Variants in STXBP5L observed in about 807,000 individuals in gnomAD.
STXBP5L encodes syntaxin binding protein 5L.
In STXBP5L, 65 loss-of-function variants were observed where a neutral mutation model predicts 144.5. The observed-to-expected ratio is 0.45, with a 90% confidence interval of 0.37 to 0.55. The LOEUF is 0.55. STXBP5L is among the 20% of genes least tolerant of loss of function. The pLI is 0.00. For missense variants in STXBP5L, 1,298 were observed against 1,405.5 expected, an observed-to-expected ratio of 0.92 and a Z score of 1.22; for synonymous variants, 505 against 469.6, an observed-to-expected ratio of 1.08 and a Z score of -0.97.
At chr3:121,311,557 CAGAG>C (rs972325312) in intron 19 of STXBP5L, among the ~76,000 whole-genome samples, 2 of 152,046 alleles carry the variant, frequency 1.3e-5, no homozygotes, top group African/African-American at 4.8e-5. Context: ...AACAGACAAA[CAGAG>C]AGCCAAATCA....
chr3:121,172,283 T>G (rs1376440274), intron 9 of STXBP5L, among the ~76,000 whole-genome samples: 1 of 152,100 alleles, frequency 6.6e-6, no homozygotes, highest in Non-Finnish European at 1.5e-5. Flanking sequence ...TGGGCAAAAC[T>G]TCACGACTAA....
At chr3:121,051,378 C>T (rs2107591356) in intron 5 of STXBP5L, among the ~76,000 whole-genome samples, 1 of 152,224 alleles carries the variant, frequency 6.6e-6, no homozygotes, top group Non-Finnish European at 1.5e-5. Flanking sequence ...GAAATTATAA[C>T]AAACTGTCTC....
At chr3:121,290,884 T>C (rs542956784) in intron 19 of STXBP5L, among the ~76,000 whole-genome samples, 2 of 152,246 alleles carry the variant, frequency 1.3e-5, no homozygotes, top group South Asian at 4.1e-4. Flanking sequence ...AAAATCAGCA[T>C]AGAAGGAAAA....
chr3:121,147,518 G>C (rs1300212109), intron 7 of STXBP5L, among the ~76,000 whole-genome samples: 4 of 152,106 alleles, frequency 2.6e-5, no homozygotes, highest in Non-Finnish European at 4.4e-5. Context: ...GTGAAGAAAA[G>C]CTGAAAATCA....
At chr3:121,381,678 T>C in intron 22 of STXBP5L, 146 bp downstream of exon 22, 1 of 1,023,040 alleles carries the variant, frequency 9.8e-7, no homozygotes, top group Middle Eastern at 3.1e-4. Context: ...ATACATCATA[T>C]ACCATCCCAA....
intron 5 of STXBP5L, among the ~76,000 whole-genome samples, chr3:121,057,080 A>G: frequency 6.6e-6 from 1 of 151,844 alleles, no homozygotes. Context: ...AGCAAGACAG[A>G]AAACTGCATA....
rs571633467 is a variant in STXBP5L at position 121,363,283 on chromosome 3, C to G, written c.2177-15433C>G. 5.3e-5 allele frequency among the ~76,000 whole-genome samples: 8 copies of G among 152,282 alleles called. No individual in the cohort carries two copies. The South Asian group carries it at 8.3e-4, about 16-fold the overall frequency. ...TTGTTTGCCCCCGACTCTGCCCCAC[C>G]CAGTCCACTATCTCTGGGCCTAGTT... On this transcript the variant is annotated intron_variant, in intron 20 of 26. Coordinates refer to ENST00000471454, the MANE Select transcript of STXBP5L (RefSeq NM_001308330.2).
At chr3:121,011,842 A>G (rs28751972) in intron 3 of STXBP5L, among the ~76,000 whole-genome samples, 15,044 of 151,788 alleles carry the variant, frequency 0.099, 1,173 homozygotes, top group Admixed American at 0.2. Flanking sequence ...TTAATCATTT[A>G]AAGTAAACAA....
At chr3:121,011,019 T>G (rs1386655895) in intron 3 of STXBP5L, among the ~76,000 whole-genome samples, 1 of 150,766 alleles carries the variant, frequency 6.6e-6, no homozygotes, top group Non-Finnish European at 1.5e-5. Context: ...TTGGGTTCAG[T>G]AGGGGAATAT....
At chr3:121,315,250 G>A (rs1262118016) in intron 19 of STXBP5L, among the ~76,000 whole-genome samples, 13 of 152,144 alleles carry the variant, frequency 8.5e-5, no homozygotes, top group South Asian at 4.1e-4. Flanking sequence ...GTCCATCAAT[G>A]ATAGACTGGA....
At chr3:120,938,802 A>G (rs1357486445) in intron 2 of STXBP5L, among the ~76,000 whole-genome samples, 1 of 151,974 alleles carries the variant, frequency 6.6e-6, no homozygotes, top group Non-Finnish European at 1.5e-5. Context: ...CTTCTTAGAG[A>G]CAGAGGCTTG....
chr3:121,209,182 T>A (rs370035883), intron 10 of STXBP5L, among the ~76,000 whole-genome samples: 1 of 152,176 alleles, frequency 6.6e-6, no homozygotes. Context: ...TGATGGGCAT[T>A]TGGGTTGGTT....
intron 9 of STXBP5L, among the ~76,000 whole-genome samples, chr3:121,186,827 T>G (rs2047402842): frequency 6.6e-6 from 1 of 152,200 alleles, no homozygotes; most frequent in Non-Finnish European, 1.5e-5. Context: ...TCATCATCAC[T>G]GGCCATCAGG....
chr3:121,356,982 G>C (rs751079952), intron 20 of STXBP5L: 4 of 170,686 alleles, frequency 2.3e-5, no homozygotes, highest in Non-Finnish European at 5.1e-5. Context: ...TTTGAAAACA[G>C]CAAGAATTTT....
intron 22 of STXBP5L, among the ~76,000 whole-genome samples, chr3:121,386,797 T>C (rs1351839438): frequency 6.6e-6 from 1 of 152,210 alleles, no homozygotes; most frequent in African/African-American, 2.4e-5. Context: ...CTTAATCCAG[T>C]CTGTCACCGA....
Position 121,190,362 on chromosome 3 carries a change from G to A in STXBP5L, c.878-15561G>A, listed in dbSNP as rs537427373. Among the ~76,000 whole-genome samples, 13 of 152,270 alleles carry A rather than the reference G, an allele frequency of 8.5e-5. No individual in the cohort carries two copies. In the South Asian group the frequency reaches 1.0e-3, roughly 12 times the overall value. On this transcript the variant is annotated intron_variant, in intron 9 of 26. Transcript: ENST00000471454. ...GGACACAGCACGTTTCAGAGAGCAC[G>A]GGGTTGGGGATAAGGTTATAGATTA...
chr3:121,019,553 G>T (rs1576678452), intron 3 of STXBP5L, among the ~76,000 whole-genome samples: 1 of 152,130 alleles, frequency 6.6e-6, no homozygotes, highest in South Asian at 2.1e-4. Context: ...GCAGGTCCTG[G>T]TATCCATGGC....
chr3:121,204,714 T>A (rs1008361971), intron 9 of STXBP5L, among the ~76,000 whole-genome samples: 1 of 147,228 alleles, frequency 6.8e-6, no homozygotes, highest in Non-Finnish European at 1.5e-5. Context: ...CAAGAATAAA[T>A]AAGGGTACTT....
chr3:121,199,274 T>C (rs1382111897), intron 9 of STXBP5L, among the ~76,000 whole-genome samples: 1 of 152,192 alleles, frequency 6.6e-6, no homozygotes, highest in Non-Finnish European at 1.5e-5. Context: ...ATGATTTGGC[T>C]CTCTACTTGT....
Sources: allele counts gnomAD v4.1 joint callset (sites outside exome capture counted in the v4.1 genomes callset), GRCh38; gene constraint gnomAD v4.1.1; transcripts MANE v1.5; gene names NCBI Gene and HGNC (gene_info 2026-07-23, HGNC 2026-07-21).